Variants in IGSF11 observed in about 807,000 individuals in gnomAD.
IGSF11 encodes the protein immunoglobulin superfamily member 11.
IGSF11 carries 22 observed loss-of-function variants against 41.0 expected under a neutral mutation model. The ratio of observed to expected loss-of-function variants is 0.54; its 90% CI spans 0.38 to 0.77. IGSF11 has a LOEUF of 0.77. IGSF11 is among the 30% of genes least tolerant of loss of function. The probability of loss-of-function intolerance (pLI) is 0.00; values close to 1 mark genes in which losing one functional copy is unlikely to be tolerated. For synonymous variants in IGSF11, 219 were observed against 201.3 expected (o/e 1.09, Z -0.74); for missense variants, 444 against 530.8 (o/e 0.84, Z 1.61).
chr3:118,984,783 C>G (rs1431306429), intron 1 of IGSF11, among the ~76,000 whole-genome samples: 2 of 152,098 alleles, frequency 1.3e-5, no homozygotes, highest in Non-Finnish European at 2.9e-5. Flanking sequence ...ACCCTCCACG[C>G]TGAGACAAGA....
At chr3:119,020,333 C>G (rs1173321758) in intron 1 of IGSF11, among the ~76,000 whole-genome samples, 2 of 152,178 alleles carry the variant, frequency 1.3e-5, no homozygotes, top group African/African-American at 4.8e-5. Flanking sequence ...CAGACTCCAC[C>G]TGTTTTCTGC....
chr3:118,976,424 G>A (rs765825569), intron 1 of IGSF11, among the ~76,000 whole-genome samples: 4 of 152,124 alleles, frequency 2.6e-5, no homozygotes, highest in East Asian at 1.9e-4. Context: ...AGGAAATCCC[G>A]AAGGCATGAC....
At chr3:118,904,513 G>C in intron 6 of IGSF11, 135 bp downstream of exon 6, 1 of 686,178 alleles carries the variant, frequency 1.5e-6, no homozygotes, top group Non-Finnish European at 2.5e-6. Flanking sequence ...TGATATACAA[G>C]AAAATACCAT....
chr3:118,917,424 T>C (rs1294120433), intron 4 of IGSF11, among the ~76,000 whole-genome samples: 2 of 147,178 alleles, frequency 1.4e-5, no homozygotes, highest in Non-Finnish European at 3.0e-5. Flanking sequence ...GATAAAGGGG[T>C]ATCACCACCG....
Position 119,118,362 on chromosome 3 carries a change from A to G in IGSF11, c.-13-13157T>C, listed in dbSNP as rs533091488. Among the ~76,000 whole-genome samples the G allele has an allele frequency of 2.6e-5, 4 of 152,324 alleles. No individual in the cohort carries two copies. In the East Asian group the frequency reaches 7.7e-4, roughly 29 times the overall value. Reference sequence around the variant, plus strand: ...TGTGCACTAACGGGGTCAACACCACATGGAAGTTGCCAAGGCTTGAGGCTA... The same window carrying G: ...TGTGCACTAACGGGGTCAACACCACGTGGAAGTTGCCAAGGCTTGAGGCTA... On this transcript the variant is annotated intron_variant, in intron 1 of 7. Transcript: ENST00000425327.
chr3:118,995,256 G>A (rs748671429), intron 1 of IGSF11, among the ~76,000 whole-genome samples: 2 of 152,154 alleles, frequency 1.3e-5, no homozygotes, highest in African/African-American at 2.4e-5. Flanking sequence ...CTTTTCATGT[G>A]CTTTCAAATG....
chr3:119,016,262 G>A (rs918083856), intron 1 of IGSF11, among the ~76,000 whole-genome samples: 20 of 152,212 alleles, frequency 1.3e-4, no homozygotes, highest in African/African-American at 4.8e-4. Flanking sequence ...CTGGGAAGCT[G>A]GGGAAGCCAG....
intron 1 of IGSF11, among the ~76,000 whole-genome samples, chr3:118,956,248 A>G (rs1944951007): frequency 6.6e-6 from 1 of 152,296 alleles, no homozygotes; most frequent in East Asian, 1.9e-4. Context: ...AACTTTCTCC[A>G]TATCAGCCAT....
At chr3:118,924,437 A>AT (rs1301816488) in intron 4 of IGSF11, among the ~76,000 whole-genome samples, 3 of 152,298 alleles carry the variant, frequency 2.0e-5, no homozygotes, top group Non-Finnish European at 4.4e-5. Flanking sequence ...AACTTTATTA[A>AT]TATGGGTATC....
chr3:119,105,030 T>C (rs1281626288), intron 1 of IGSF11: 5 of 609,416 alleles, frequency 8.2e-6, no homozygotes, highest in African/African-American at 3.8e-5. Flanking sequence ...TTTTTTTTAG[T>C]AGTAGGAGAA....
intron 1 of IGSF11, among the ~76,000 whole-genome samples, chr3:119,071,123 A>T (rs1484323876): frequency 6.6e-6 from 1 of 152,204 alleles, no homozygotes; most frequent in Non-Finnish European, 1.5e-5. Flanking sequence ...AAACACCAGA[A>T]TCATAGAGCT....
intron 1 of IGSF11, among the ~76,000 whole-genome samples, chr3:118,954,395 G>A (rs753576515): frequency 4.0e-5 from 6 of 151,822 alleles, no homozygotes; most frequent in Non-Finnish European, 5.9e-5. Context: ...AGGCTTTTTT[G>A]GGGGGTTCCA....
At chr3:119,044,872 A>G (rs1360658587) in intron 1 of IGSF11, among the ~76,000 whole-genome samples, 1 of 152,194 alleles carries the variant, frequency 6.6e-6, no homozygotes, top group Non-Finnish European at 1.5e-5. Flanking sequence ...TTCACCACTA[A>G]CAAGCTTGCA....
chr3:118,958,931 G>C (rs1034612032), intron 1 of IGSF11, among the ~76,000 whole-genome samples: 1 of 152,168 alleles, frequency 6.6e-6, no homozygotes, highest in Non-Finnish European at 1.5e-5. Flanking sequence ...AACATTAATA[G>C]AAGTCATCAT....
intron 1 of IGSF11, among the ~76,000 whole-genome samples, chr3:119,074,483 A>T (rs1250624140): frequency 6.6e-6 from 1 of 151,966 alleles, no homozygotes; most frequent in Non-Finnish European, 1.5e-5. Flanking sequence ...CAGATACAAC[A>T]TAGTGGAATC....
intron 1 of IGSF11, among the ~76,000 whole-genome samples, chr3:119,053,085 C>A (rs759586868): frequency 5.3e-5 from 8 of 152,120 alleles, no homozygotes; most frequent in Admixed American, 1.3e-4. Context: ...AGAACTGGAA[C>A]AAGACAAGGA....
rs1206683181 is a variant in IGSF11 at position 118,901,071 on chromosome 3, T to A, written c.*1449A>T. 1 of 152,610 alleles carries A rather than the reference T, an allele frequency of 6.6e-6. No homozygotes were observed. The highest frequency in any genetic ancestry group is 6.5e-5 in the Admixed American group (1 of 15,270). 9.5% of individuals were successfully genotyped at this position (152,610 alleles called of 1,614,324 possible). A position where few individuals can be genotyped will look rare whatever the true frequency, so the allele number is the denominator to read the frequency against. ...CATCCAGAAAGAAAAGACACTCTTA[T>A]TGAGACATGGGATGAGTATCATAAG... is the stretch of plus-strand genomic sequence containing the variant. On this transcript the variant is annotated 3_prime_UTR_variant, in exon 7 of 7. Transcript: ENST00000393775.
intron 1 of IGSF11, among the ~76,000 whole-genome samples, chr3:119,093,426 A>G (rs1163050766): frequency 1.3e-5 from 2 of 151,436 alleles, no homozygotes; most frequent in South Asian, 2.1e-4. Flanking sequence ...TTTAAACCTG[A>G]CCGTTAAACT....
intron 1 of IGSF11, among the ~76,000 whole-genome samples, chr3:118,985,730 G>A (rs966207876): frequency 1.3e-5 from 2 of 151,994 alleles, no homozygotes; most frequent in Non-Finnish European, 2.9e-5. Flanking sequence ...TCCTCAATTA[G>A]TCTCCTCCTC....
Sources: allele counts gnomAD v4.1 joint callset (sites outside exome capture counted in the v4.1 genomes callset), GRCh38; gene constraint gnomAD v4.1.1; transcripts MANE v1.5; gene names NCBI Gene and HGNC (gene_info 2026-07-23, HGNC 2026-07-21).